The following CNTNAP2 variants were observed in gnomAD, a reference collection of about 807,000 sequenced individuals.
The protein encoded by CNTNAP2 is contactin-associated protein-like 2.
In CNTNAP2, 98 loss-of-function variants were observed where a neutral mutation model predicts 155.2. The ratio of observed to expected loss-of-function variants is 0.63; its 90% CI spans 0.54 to 0.75. The LOEUF (loss-of-function observed/expected upper bound fraction) is 0.75, where lower values mean the gene tolerates loss of function less well. Ranked by LOEUF, CNTNAP2 falls within the 30% of genes least tolerant of loss-of-function variation. The pLI is 0.00. For synonymous variants in CNTNAP2, 651 were observed against 631.2 expected (o/e 1.03, Z -0.47); for missense variants, 1,727 against 1,688.1 (o/e 1.02, Z -0.40).
At chr7:148,265,651 T>C (rs1291018680) in intron 20 of CNTNAP2, among the ~76,000 whole-genome samples, 1 of 152,188 alleles carries the variant, frequency 6.6e-6, no homozygotes, top group South Asian at 2.1e-4. Flanking sequence ...TTTACTTTAA[T>C]AGTTTTTGGG....
At chr7:146,965,418 T>A (rs1797638513) in intron 3 of CNTNAP2, among the ~76,000 whole-genome samples, 1 of 152,086 alleles carries the variant, frequency 6.6e-6, no homozygotes, top group Non-Finnish European at 1.5e-5. Context: ...ATTGGGTTTT[T>A]CTTACTTCAA....
intron 20 of CNTNAP2, among the ~76,000 whole-genome samples, chr7:148,242,225 G>C (rs1447480305): frequency 6.6e-6 from 1 of 152,180 alleles, no homozygotes; most frequent in Non-Finnish European, 1.5e-5. Context: ...CAAATTTTTA[G>C]CACAATGGGC....
intron 1 of CNTNAP2, among the ~76,000 whole-genome samples, chr7:146,161,843 T>G (rs1463071776): frequency 2.0e-5 from 3 of 152,046 alleles, no homozygotes; most frequent in African/African-American, 7.2e-5. Context: ...AATAGAGCCC[T>G]CAGAAATAAT....
chr7:147,743,815 C>T (rs1439211078), intron 13 of CNTNAP2, among the ~76,000 whole-genome samples: 1 of 152,128 alleles, frequency 6.6e-6, no homozygotes, highest in Non-Finnish European at 1.5e-5. Flanking sequence ...TCTCCTCCCC[C>T]AGCTCCGTGG....
intron 3 of CNTNAP2, among the ~76,000 whole-genome samples, chr7:146,978,652 A>G (rs1209387539): frequency 6.6e-6 from 1 of 151,936 alleles, no homozygotes; most frequent in East Asian, 1.9e-4. Context: ...AACATGGGAC[A>G]CAGAATTAAT....
intron 8 of CNTNAP2, among the ~76,000 whole-genome samples, chr7:147,258,002 T>C (rs1804369716): frequency 6.6e-6 from 1 of 152,150 alleles, no homozygotes; most frequent in African/African-American, 2.4e-5. Flanking sequence ...CATCTTAGTG[T>C]TTAGATGGGT....
At chr7:147,617,803 C>T (rs1801320906) in intron 12 of CNTNAP2, among the ~76,000 whole-genome samples, 3 of 151,962 alleles carry the variant, frequency 2.0e-5, no homozygotes, top group Admixed American at 2.0e-4. Context: ...AGATGGGTGC[C>T]CTCCAAGATC....
chr7:146,308,000 T>C (rs1294626705), intron 1 of CNTNAP2, among the ~76,000 whole-genome samples: 1 of 152,016 alleles, frequency 6.6e-6, no homozygotes, highest in Non-Finnish European at 1.5e-5. Flanking sequence ...ACTAAAGAGC[T>C]TCTGCACAGC....
At chr7:147,264,540 G>GC in intron 8 of CNTNAP2, among the ~76,000 whole-genome samples, 1 of 149,910 alleles carries the variant, frequency 6.7e-6, no homozygotes, top group African/African-American at 2.4e-5. Flanking sequence ...GTCCCTGCGG[G>GC]CCTGTGCCCA....
At chr7:147,730,610 A>T (rs568687353) in intron 13 of CNTNAP2, among the ~76,000 whole-genome samples, 1 of 151,870 alleles carries the variant, frequency 6.6e-6, no homozygotes, top group East Asian at 1.9e-4. Flanking sequence ...TCTCCTCAAG[A>T]CCCCCTATTC....
At chr7:146,837,186 C>T (rs1223112217) in intron 2 of CNTNAP2, among the ~76,000 whole-genome samples, 2 of 152,038 alleles carry the variant, frequency 1.3e-5, no homozygotes, top group Non-Finnish European at 2.9e-5. Context: ...TAGTACTCCA[C>T]TTGCATGATT....
chr7:148,420,413 G>T lies in CNTNAP2; in HGVS notation c.*4797G>T, dbSNP rs2717829. On this transcript the variant is annotated 3_prime_UTR_variant, in exon 24 of 24. Transcript: ENST00000361727. Reference sequence around the variant, plus strand: ...TTTTTTTCATAAGTGGCATATAAATGTCATTCAATGAAATGGGGAAATCAC... The same window carrying T: ...TTTTTTTCATAAGTGGCATATAAATTTCATTCAATGAAATGGGGAAATCAC... 6.6e-6 allele frequency: 1 copy of T among 152,182 alleles called. No individual in the cohort carries two copies. The highest frequency in any genetic ancestry group is 1.9e-4 in the East Asian group (1 of 5,178). The allele number at this position is 152,182 out of a possible 1,614,324, so 9.4% of individuals were successfully genotyped here.
At chr7:146,466,174 G>A (rs1231656922) in intron 1 of CNTNAP2, among the ~76,000 whole-genome samples, 2 of 152,182 alleles carry the variant, frequency 1.3e-5, no homozygotes, top group Non-Finnish European at 2.9e-5. Flanking sequence ...AATACCAAGT[G>A]AGGGGATTAG....
intron 15 of CNTNAP2, among the ~76,000 whole-genome samples, chr7:148,041,621 A>C (rs1802677661): frequency 6.6e-6 from 1 of 152,234 alleles, no homozygotes; most frequent in African/African-American, 2.4e-5. Context: ...GTATCACATT[A>C]TAGCTCCACA....
rs183596170 is a variant in CNTNAP2 at position 147,223,847 on chromosome 7, A to G, written c.1349-76294A>G. 2.7e-3 allele frequency among the ~76,000 whole-genome samples: 403 copies of G among 151,834 alleles called. 1 individual carries two copies. The highest frequency in any genetic ancestry group is 9.1e-3 in the African/African-American group (377 of 41,410). The stretch of plus-strand genomic sequence containing the variant: ...TCCTAGCTACTTGGGAGGCCAAGGC[A>G]GAAGAATCGCTTGAACCCAGAAGGC... On this transcript the variant is annotated intron_variant, in intron 8 of 23. Transcript: ENST00000361727.
At chr7:146,829,251 A>G (rs894043616) in intron 2 of CNTNAP2, among the ~76,000 whole-genome samples, 1 of 152,036 alleles carries the variant, frequency 6.6e-6, no homozygotes, top group Non-Finnish European at 1.5e-5. Context: ...CCTCAGCTAG[A>G]CAGATTTTCT....
intron 10 of CNTNAP2, among the ~76,000 whole-genome samples, chr7:147,482,673 A>G (rs551173252): frequency 6.6e-6 from 1 of 151,898 alleles, no homozygotes; most frequent in East Asian, 1.9e-4. Flanking sequence ...GTGAGCCGAG[A>G]TCGCGCCACT....
chr7:146,355,261 CA>C (rs1794981512), intron 1 of CNTNAP2, among the ~76,000 whole-genome samples: 1 of 151,942 alleles, frequency 6.6e-6, no homozygotes, highest in Admixed American at 6.6e-5. Flanking sequence ...AAGCCATAGC[CA>C]GTACATAAAA....
chr7:146,869,376 T>C (rs1353517007), intron 3 of CNTNAP2, among the ~76,000 whole-genome samples: 1 of 152,194 alleles, frequency 6.6e-6, no homozygotes, highest in Admixed American at 6.6e-5. Flanking sequence ...GAAACCTACT[T>C]GATCATGGTA....
Sources: gnomAD v4.1 joint callset for allele counts (sites outside exome capture counted in the v4.1 genomes callset) on GRCh38, gnomAD v4.1.1 for gene constraint, MANE v1.5 for transcripts, NCBI Gene and HGNC (gene_info 2026-07-23, HGNC 2026-07-21) for gene names.